The following MOB3B variants were observed in gnomAD, a reference collection of about 807,000 sequenced individuals.
MOB3B encodes MOB kinase activator-like 2B.
In MOB3B, 7 loss-of-function variants were observed where a neutral mutation model predicts 18.7. The observed-to-expected ratio is 0.37, with a 90% CI of 0.21 to 0.70. The LOEUF (loss-of-function observed/expected upper bound fraction) is 0.70, where lower values mean the gene tolerates loss of function less well. Among genes scored for constraint, MOB3B ranks in the 30% least tolerant of loss-of-function variants. MOB3B has a pLI of 0.52. For synonymous variants in MOB3B, 111 were observed against 99.9 expected, an observed-to-expected ratio of 1.11 and a Z score of -0.66; for missense variants, 253 against 281.3, an observed-to-expected ratio of 0.90 and a Z score of 0.72.
At chr9:27,518,856 G>A (rs77244117) in intron 1 of MOB3B, among the ~76,000 whole-genome samples, 316 of 152,284 alleles carry the variant, frequency 2.1e-3, no homozygotes, top group Non-Finnish European at 3.9e-3. Flanking sequence ...AAGTCACACG[G>A]CAGTTTTTGA....
chr9:27,358,332 G>A (rs1821223651), intron 3 of MOB3B, among the ~76,000 whole-genome samples: 2 of 152,208 alleles, frequency 1.3e-5, no homozygotes, highest in African/African-American at 4.8e-5. Flanking sequence ...AGGTGATGAG[G>A]TTTTTAGGGG....
At chr9:27,469,654 T>C (rs1344688772) in intron 1 of MOB3B, among the ~76,000 whole-genome samples, 1 of 152,188 alleles carries the variant, frequency 6.6e-6, no homozygotes, top group Non-Finnish European at 1.5e-5. Context: ...GAAGTGAATA[T>C]TTAAAGGTTC....
At chr9:27,500,579 C>T (rs1043400031) in intron 1 of MOB3B, among the ~76,000 whole-genome samples, 10 of 152,116 alleles carry the variant, frequency 6.6e-5, no homozygotes, top group Admixed American at 2.6e-4. Flanking sequence ...CTTCCTTACA[C>T]CTTATACAAA....
intron 1 of MOB3B, among the ~76,000 whole-genome samples, chr9:27,474,785 G>C (rs1264554163): frequency 6.6e-6 from 1 of 152,176 alleles, no homozygotes; most frequent in African/African-American, 2.4e-5. Context: ...ATTTTGAAAA[G>C]AAATCCACTG....
chr9:27,371,284 G>C (rs1248033114), intron 2 of MOB3B, among the ~76,000 whole-genome samples: 1 of 152,198 alleles, frequency 6.6e-6, no homozygotes, highest in East Asian at 1.9e-4. Context: ...AACTTGAGCG[G>C]GGCTTTGCAG....
intron 2 of MOB3B, among the ~76,000 whole-genome samples, chr9:27,437,719 A>G (rs1822532856): frequency 6.6e-6 from 1 of 152,194 alleles, no homozygotes; most frequent in East Asian, 1.9e-4. Flanking sequence ...GAGCTATACA[A>G]TAGAAGCGAG....
intron 1 of MOB3B, among the ~76,000 whole-genome samples, chr9:27,496,309 G>A (rs1042877838): frequency 2.7e-5 from 4 of 150,798 alleles, no homozygotes; most frequent in Non-Finnish European, 5.9e-5. Flanking sequence ...AACTCAGAAG[G>A]ACCACTGAAA....
Position 27,330,383 on chromosome 9 carries a change from G to A in MOB3B, c.*204C>T, listed in dbSNP as rs1587134974. 1.5e-5 allele frequency: 9 copies of A among 583,634 alleles called. No homozygotes were observed. In the East Asian group the frequency reaches 2.2e-4, roughly 14 times the overall value. The allele number at this position is 583,634 out of a possible 1,614,324, so 36.2% of individuals were successfully genotyped here. A position where few individuals can be genotyped will look rare whatever the true frequency, so the allele number is the denominator to read the frequency against. Reference sequence around the variant, plus strand: ...CTTCTTTCACGTTGTGGTCTGCCTCGTCCACAGGTCTGGGCTAGCAGCACT... The same window carrying A: ...CTTCTTTCACGTTGTGGTCTGCCTCATCCACAGGTCTGGGCTAGCAGCACT... On this transcript the variant is annotated 3_prime_UTR_variant, in exon 4 of 4. Transcript: ENST00000262244.
At chr9:27,370,953 C>T (rs531234131) in intron 2 of MOB3B, among the ~76,000 whole-genome samples, 5 of 152,070 alleles carry the variant, frequency 3.3e-5, no homozygotes, top group South Asian at 2.1e-4. Flanking sequence ...GTAACGCTAC[C>T]GTGAACATTA....
At chr9:27,486,718 G>A (rs1479208246) in intron 1 of MOB3B, among the ~76,000 whole-genome samples, 1 of 152,226 alleles carries the variant, frequency 6.6e-6, no homozygotes, top group African/African-American at 2.4e-5. Flanking sequence ...GTGGGGAGAA[G>A]TGGTGCTTTA....
chr9:27,377,790 C>T (rs757930798), intron 2 of MOB3B, among the ~76,000 whole-genome samples: 1 of 152,240 alleles, frequency 6.6e-6, no homozygotes, highest in Non-Finnish European at 1.5e-5. Flanking sequence ...CTGTAAAATT[C>T]AAATTCCGTT....
chr9:27,449,971 C>T (rs1822757872), intron 2 of MOB3B, among the ~76,000 whole-genome samples: 1 of 144,860 alleles, frequency 6.9e-6, no homozygotes, highest in Non-Finnish European at 1.5e-5. Context: ...GAGCGAGACT[C>T]TGTCTCAAAA....
chr9:27,473,090 C>T (rs570190747), intron 1 of MOB3B, among the ~76,000 whole-genome samples: 8 of 152,276 alleles, frequency 5.3e-5, no homozygotes, highest in South Asian at 4.1e-4. Context: ...CCTTAATTTT[C>T]CCTAACCTTG....
At chr9:27,350,341 T>G (rs7043351) in intron 3 of MOB3B, among the ~76,000 whole-genome samples, 13,798 of 152,140 alleles carry the variant, frequency 0.091, 1,913 homozygotes, top group African/African-American at 0.3. Context: ...TGATTAGTGA[T>G]TTTCCAGTAC....
At chr9:27,420,791 G>C (rs1822238120) in intron 2 of MOB3B, among the ~76,000 whole-genome samples, 2 of 151,078 alleles carry the variant, frequency 1.3e-5, no homozygotes, top group Admixed American at 1.3e-4. Context: ...AGGGACCTGG[G>C]GGGAAGAGTG....
chr9:27,338,103 T>C (rs1195326039), intron 3 of MOB3B, among the ~76,000 whole-genome samples: 1 of 152,210 alleles, frequency 6.6e-6, no homozygotes, highest in Admixed American at 6.5e-5. Context: ...TGCATCTCCA[T>C]TTCCTACTAG....
At chr9:27,524,309 C>G (rs1820392046) in intron 1 of MOB3B, 1 of 1,598,368 alleles carries the variant, frequency 6.3e-7, no homozygotes, top group Admixed American at 1.7e-5. Flanking sequence ...ATATACACAT[C>G]TTCTGGATTT....
intron 2 of MOB3B, among the ~76,000 whole-genome samples, chr9:27,368,682 C>T (rs186222824): frequency 6.6e-6 from 1 of 152,332 alleles, no homozygotes; most frequent in East Asian, 1.9e-4. Context: ...CCCCTTTGTG[C>T]TGTCCTCCAG....
chr9:27,341,509 G>C (rs1006876748), intron 3 of MOB3B, among the ~76,000 whole-genome samples: 2 of 152,128 alleles, frequency 1.3e-5, no homozygotes, highest in Non-Finnish European at 2.9e-5. Context: ...TCACTCCTTT[G>C]GTAGGAACAA....
Sources: gnomAD v4.1 joint callset for allele counts (sites outside exome capture counted in the v4.1 genomes callset) on GRCh38, gnomAD v4.1.1 for gene constraint, MANE v1.5 for transcripts, NCBI Gene and HGNC (gene_info 2026-07-23, HGNC 2026-07-21) for gene names.